Variants in ATG16L2 observed in about 807,000 individuals in gnomAD.
ATG16L2 encodes autophagy related 16 like 2, also known as protein Atg16l2.
ATG16L2 carries 77 observed loss-of-function variants against 84.7 expected under a neutral mutation model. That is an observed-to-expected ratio of 0.91 (90% CI 0.76 to 1.10). The LOEUF (loss-of-function observed/expected upper bound fraction) is 1.10, where lower values mean the gene tolerates loss of function less well. ATG16L2 is among the 50% of genes least tolerant of loss of function. The probability of loss-of-function intolerance (pLI) is 0.00; values close to 1 mark genes in which losing one functional copy is unlikely to be tolerated. For synonymous variants in ATG16L2, 361 were observed against 342.8 expected (o/e 1.05, Z -0.59); for missense variants, 782 against 817.6 (o/e 0.96, Z 0.53).
At chr11:72,834,245 G>A (rs1860669302), downstream of ATG16L2, among the ~76,000 whole-genome samples, 1 of 152,210 alleles carries the variant, frequency 6.6e-6, no homozygotes, top group Admixed American at 6.5e-5. Context: ...CGAAGATTCA[G>A]AGCAGCTGGA....
At position 72,828,466 on chromosome 11, in the gene ATG16L2, AG is replaced by A; in HGVS notation, c.1582del (p.Val528SerfsTer80). ...AGCTGTTCCCGAGACAACACACTCA[AG>A]GTCATCGACCTGCGTGTCAGCAACA... ...LLSCSRDNTLKVIDLRVSNIR... is the reference protein window; with the variant it reads ...LLSCSRDNTLXVIDLRVSNIR... On this transcript the variant is annotated frameshift_variant, in exon 15 of 18. Coordinates refer to ENST00000321297, the MANE Select transcript of ATG16L2 (RefSeq NM_033388.2). LOFTEE classifies it high-confidence loss of function. The A allele has an allele frequency of 6.2e-7, 1 of 1,614,180 alleles. No individual in the cohort carries two copies. Among genetic ancestry groups the A allele is most frequent in the Non-Finnish European group, 8.5e-7 (1 of 1,180,032 alleles).
At chr11:72,823,300 C>T (rs1860124076) in intron 7 of ATG16L2, 1 of 335,042 alleles carries the variant, frequency 3.0e-6, no homozygotes, top group African/African-American at 2.1e-5. Context: ...TGTGCGCAGC[C>T]ATAGGTGTGC....
chr11:72,821,734 CA>C lies in ATG16L2; in HGVS notation c.388del (p.Ser130AlafsTer96). 1 of 1,523,584 alleles carries C rather than the reference CA, an allele frequency of 6.6e-7. No individual in the cohort carries two copies. 94.4% of individuals were successfully genotyped at this position (1,523,584 alleles called of 1,614,324 possible). On this transcript the variant is annotated frameshift_variant, in exon 4 of 18. Transcript: ENST00000321297. LOFTEE classifies it high-confidence loss of function. ...GTLESELQQR[Q>X]SRLAALEARV... Reference sequence around the variant, plus strand: ...GCTGGAGTCGGAGCTGCAGCAGAGGCAAAGCAGGTGAGGCGCGGGCGGGGGC... The same window carrying C: ...GCTGGAGTCGGAGCTGCAGCAGAGGCAAGCAGGTGAGGCGCGGGCGGGGGC...
chr11:72,816,817 CA>C lies in ATG16L2; in HGVS notation c.209del (p.Gln70ArgfsTer20). Reference sequence around the variant, plus strand: ...AAACAGTGTCACTCCCACCACCCACCAGGGCCCCTGGTAAGTGTATGTGGGT... The same window carrying C: ...AAACAGTGTCACTCCCACCACCCACCGGGCCCCTGGTAAGTGTATGTGGGT... ...EPNSVTPTTH[Q>X]GPWEESELDS... On this transcript the variant is annotated frameshift_variant, in exon 2 of 18. Coordinates refer to ENST00000321297, the MANE Select transcript of ATG16L2 (RefSeq NM_033388.2). LOFTEE classifies it high-confidence loss of function. 1 of 1,614,178 alleles carries C rather than the reference CA, an allele frequency of 6.2e-7. No homozygotes were observed. The highest frequency in any genetic ancestry group is 1.1e-5 in the South Asian group (1 of 91,088).
At chr11:72,820,286 C>T (rs1859919050) in intron 3 of ATG16L2, 2 of 152,094 alleles carry the variant, frequency 1.3e-5, no homozygotes, top group Non-Finnish European at 1.5e-5. Flanking sequence ...CATTTTATCA[C>T]GTGTAGATTT....
At chr11:72,843,730 CA>C, downstream of ATG16L2, 1 of 562,998 alleles carries the variant, frequency 1.8e-6, no homozygotes, top group Non-Finnish European at 3.1e-6. Flanking sequence ...AAAACCATAA[CA>C]AAAACTCAAG....
Position 72,828,385 on chromosome 11 carries a change from C to T in ATG16L2, c.1499C>T (p.Pro500Leu), listed in dbSNP as rs1287936827. 6.2e-7 allele frequency: 1 copy of T among 1,614,184 alleles called. No homozygotes were observed. The highest frequency in any genetic ancestry group is 1.7e-5 in the Admixed American group (1 of 60,032). ...SRGPHCTQVI[P>L]VQGRVTSLSL... ...GGGCCCCACTGCACCCAGGTCATCCCTGTGCAGGGCCGGGTCACCTCCCTG... is the reference window on the plus strand; with the variant it reads ...GGGCCCCACTGCACCCAGGTCATCCTTGTGCAGGGCCGGGTCACCTCCCTG... Residue 500 changes from proline (P) to leucine (L), a missense_variant, in exon 15 of 18, where the codon CCT becomes CTT. Pro to Leu is a moderately conservative substitution (Grantham distance 98). Coordinates refer to ENST00000321297, the MANE Select transcript of ATG16L2 (RefSeq NM_033388.2).
At chr11:72,834,653 G>A (rs1197789610) in intron 5 of ATG16L2, among the ~76,000 whole-genome samples, 1 of 151,710 alleles carries the variant, frequency 6.6e-6, no homozygotes, top group African/African-American at 2.4e-5. Context: ...CATGATCTTG[G>A]CTCACCGCAA....
In ATG16L2 at chr11:72,843,083, C is replaced by G. The variant is rs559418791; in HGVS notation, c.*488C>G. 7.5e-6 allele frequency: 11 copies of G among 1,475,096 alleles called. No individual in the cohort carries two copies. In the African/African-American group the frequency reaches 1.4e-4, roughly 19 times the overall value. 91.4% of individuals were successfully genotyped at this position (1,475,096 alleles called of 1,614,324 possible). ...GTTGTGCTTTTTATCCTACTGAAGG[C>G]TTACTCCAGGGCAATACAGTTTAGG... On this transcript the variant is annotated 3_prime_UTR_variant, in exon 6 of 6. Coordinates refer to the ATG16L2 transcript ENST00000534905.
chr11:72,830,119 T>C (rs1250599427), downstream of ATG16L2, among the ~76,000 whole-genome samples: 1 of 152,066 alleles, frequency 6.6e-6, no homozygotes, highest in Non-Finnish European at 1.5e-5. Flanking sequence ...TGTCTGTGCC[T>C]GGGGGAGGGC....
At chr11:72,831,665 G>C (rs1323886815), downstream of ATG16L2, among the ~76,000 whole-genome samples, 2 of 152,174 alleles carry the variant, frequency 1.3e-5, no homozygotes, top group Non-Finnish European at 2.9e-5. Context: ...AGTCTACTGA[G>C]GCCATTCCCG....
intron 3 of ATG16L2, chr11:72,821,436 C>A (rs1859984642): frequency 3.0e-6 from 4 of 1,348,888 alleles, no homozygotes; most frequent in Non-Finnish European, 2.9e-6. Context: ...AGAAACGAAG[C>A]GGCACGGCGA....
intron 5 of ATG16L2, among the ~76,000 whole-genome samples, chr11:72,839,171 A>C (rs960038584): frequency 6.6e-6 from 1 of 152,236 alleles, no homozygotes; most frequent in African/African-American, 2.4e-5. Context: ...GCTGGAAGCA[A>C]GGGAGAGCAA....
intron 5 of ATG16L2, chr11:72,841,716 G>C (rs1860958607): frequency 2.2e-6 from 2 of 893,182 alleles, no homozygotes; most frequent in South Asian, 2.0e-5. Context: ...AACCTCATTA[G>C]AGGCAACTGA....
At chr11:72,823,976 T>C in intron 7 of ATG16L2, 84 bp from the exon 8 acceptor site, 1 of 1,497,678 alleles carries the variant, frequency 6.7e-7, no homozygotes. Flanking sequence ...CCTCCAGGTC[T>C]CTGGCAAAGT....
At chr11:72,838,534 C>T (rs577287749) in intron 5 of ATG16L2, 5 of 527,584 alleles carry the variant, frequency 9.5e-6, no homozygotes, top group East Asian at 3.3e-5. Flanking sequence ...ATGAGGGCTG[C>T]CCCCCTCTTT....
intron 7 of ATG16L2, chr11:72,823,530 A>G (rs1860140697): frequency 2.5e-6 from 1 of 393,940 alleles, no homozygotes; most frequent in African/African-American, 2.1e-5. Flanking sequence ...CCCCAGCCTA[A>G]CACCTCTTCT....
chr11:72,822,517 T>C lies in ATG16L2; in HGVS notation c.684T>C (p.Ala228=). The part of the protein sequence containing the change: ...QARVSQELKK[A]AKRTVSISEG... The stretch of plus-strand genomic sequence containing the variant: ...GGGTGTCCCAGGAGCTGAAGAAGGC[T>C]GCCAAGCGGACCGTGAGCATCAGCG... Residue 228 remains alanine (A), a synonymous_variant, in exon 6 of 18, where the codon GCT becomes GCC. Coordinates refer to ENST00000321297, the MANE Select transcript of ATG16L2 (RefSeq NM_033388.2). This position sits in a 1 kb window ranked among gnomAD's most constrained non-coding sequence, Gnocchi z 4.2. 1 of 1,612,792 alleles carries C rather than the reference T, an allele frequency of 6.2e-7. No homozygotes were observed. Among genetic ancestry groups the C allele is most frequent in the Non-Finnish European group, 8.5e-7 (1 of 1,179,398 alleles).
intron 3 of ATG16L2, 65 bp downstream of exon 3, chr11:72,817,920 G>A (rs748161460): frequency 2.1e-5 from 29 of 1,382,390 alleles, no homozygotes; most frequent in Admixed American, 1.0e-4. Flanking sequence ...AGCCAGTGAC[G>A]GGTACTCCTG....
Sources: gnomAD v4.1 joint callset for allele counts (sites outside exome capture counted in the v4.1 genomes callset) on GRCh38, gnomAD v4.1.1 for gene constraint, Gnocchi (gnomAD v3.1) non-coding constraint, MANE v1.5 for transcripts, NCBI Gene and HGNC (gene_info 2026-07-23, HGNC 2026-07-21) for gene names.